The following DACH2 variants were observed in gnomAD, a reference collection of about 807,000 sequenced individuals.
DACH2 encodes the protein dachshund homolog 2.
A neutral mutation model predicts 35.8 loss-of-function variants in DACH2; 17 were observed. The observed-to-expected ratio is 0.48, with a 90% CI of 0.33 to 0.71. DACH2 has a LOEUF of 0.71. Among genes scored for constraint, DACH2 ranks in the 30% least tolerant of loss-of-function variants. The probability of loss-of-function intolerance (pLI) is 0.02; values close to 1 mark genes in which losing one functional copy is unlikely to be tolerated. For missense variants in DACH2, 469 were observed against 472.7 expected (o/e 0.99, Z 0.07); for synonymous variants, 195 against 177.3 (o/e 1.10, Z -0.79).
intron 2 of DACH2, among the ~76,000 whole-genome samples, chrX:86,397,602 G>C (rs147643959): frequency 1.9e-4 from 21 of 111,624 alleles, no homozygotes; most frequent in African/African-American, 5.2e-4. Flanking sequence ...TAGCATGAAG[G>C]GTTGTTGAAT....
intron 1 of DACH2, among the ~76,000 whole-genome samples, chrX:86,319,612 C>T (rs1451676534): frequency 1.8e-5 from 2 of 112,087 alleles, no homozygotes; most frequent in Non-Finnish European, 3.8e-5. Flanking sequence ...AACCTTAAAA[C>T]ATTTAGCAAA....
intron 3 of DACH2, among the ~76,000 whole-genome samples, chrX:86,562,030 G>T (rs72633159): frequency 3.7e-5 from 1 of 27,264 alleles, no homozygotes; most frequent in Non-Finnish European, 6.4e-5. Context: ...AAAATCTTTT[G>T]AAGGTGTTAT....
intron 2 of DACH2, among the ~76,000 whole-genome samples, chrX:86,501,805 G>T (rs1486806460): frequency 9.0e-6 from 1 of 111,533 alleles, no homozygotes; most frequent in Non-Finnish European, 1.9e-5. Flanking sequence ...TATTCAGTGT[G>T]CTTGTCTCCT....
chrX:86,285,026 T>A (rs988164842), intron 1 of DACH2, among the ~76,000 whole-genome samples: 1 of 111,779 alleles, frequency 8.9e-6, no homozygotes, highest in East Asian at 2.8e-4. Context: ...TTTATTTGGA[T>A]CTTCTCTCAT....
rs149316403 is a variant in DACH2, at chrX:86,425,310, G to A, written c.527+48448G>A. On this transcript the variant is annotated intron_variant, in intron 2 of 11. Transcript: ENST00000373125. ...TCAGCAGTGAAGCCATCAGGTCCCT[G>A]CATTTTCTTTACTAGAAGACTTTTT... Among the ~76,000 whole-genome samples, 121 of 110,477 alleles carry A rather than the reference G, an allele frequency of 1.1e-3. 1 individual carries two copies. Among genetic ancestry groups the A allele is most frequent in the African/African-American group, 3.8e-3 (116 of 30,525 alleles).
chrX:86,313,700 T>C (rs957151083), intron 1 of DACH2, among the ~76,000 whole-genome samples: 1 of 112,172 alleles, frequency 8.9e-6, no homozygotes, highest in Non-Finnish European at 1.9e-5. Flanking sequence ...TTTTTGTTCC[T>C]TTTTTAACAT....
Position 86,694,925 on chromosome X carries a change from A to G in DACH2, c.773-96A>G, listed in dbSNP as rs1322162218. 1.0e-5 allele frequency: 6 copies of G among 586,733 alleles called. No individual in the cohort carries two copies. In the Admixed American group the frequency reaches 2.6e-4, roughly 26 times the overall value. 48.4% of individuals were successfully genotyped at this position (586,733 alleles called of 1,213,427 possible). ...CTGTGTTCAATAATAATTTCCTAAG[A>G]GGTAGTATTCATGATTACAGCCCTA... On this transcript the variant is annotated intron_variant, in intron 4 of 11. Coordinates refer to ENST00000373125, the MANE Select transcript of DACH2 (RefSeq NM_053281.3).
At chrX:86,374,697 A>G (rs73631926) in intron 1 of DACH2, among the ~76,000 whole-genome samples, 5,740 of 110,883 alleles carry the variant, frequency 0.052, 387 homozygotes, top group African/African-American at 0.18. Flanking sequence ...CCTCTTCATC[A>G]TGACTTTTGT....
At chrX:86,274,194 T>A (rs1179805921) in intron 1 of DACH2, among the ~76,000 whole-genome samples, 1 of 111,061 alleles carries the variant, frequency 9.0e-6, no homozygotes, top group Non-Finnish European at 1.9e-5. Context: ...TCACTGCACC[T>A]TTCTAAATGG....
chrX:86,340,759 C>A (rs1408165992), intron 1 of DACH2, among the ~76,000 whole-genome samples: 1 of 111,972 alleles, frequency 8.9e-6, no homozygotes, highest in African/African-American at 3.2e-5. Context: ...AAGTGCTATG[C>A]CAGTGAACAC....
intron 2 of DACH2, among the ~76,000 whole-genome samples, chrX:86,430,021 T>C (rs1241272275): frequency 2.7e-5 from 3 of 112,688 alleles, no homozygotes; most frequent in African/African-American, 9.7e-5. Flanking sequence ...CACAGACTTT[T>C]ATGGAATCCA....
At chrX:86,349,259 G>T (rs199644612) in intron 1 of DACH2, among the ~76,000 whole-genome samples, 1 of 111,603 alleles carries the variant, frequency 9.0e-6, no homozygotes, top group African/African-American at 3.3e-5. Context: ...GGCTCTCACC[G>T]ACCACCTGGG....
intron 7 of DACH2, among the ~76,000 whole-genome samples, chrX:86,754,424 C>T (rs944224939): frequency 9.0e-6 from 1 of 110,601 alleles, no homozygotes; most frequent in African/African-American, 3.3e-5. Flanking sequence ...CAGAGAATAG[C>T]TTTCATCTTT....
At chrX:86,458,712 A>T (rs1278895434) in intron 2 of DACH2, among the ~76,000 whole-genome samples, 2 of 112,181 alleles carry the variant, frequency 1.8e-5, no homozygotes, top group Non-Finnish European at 3.8e-5. Context: ...GATGTAGAAT[A>T]AAAGGAAAAA....
At chrX:86,755,099 T>A (rs771813695) in intron 7 of DACH2, among the ~76,000 whole-genome samples, 2 of 111,651 alleles carry the variant, frequency 1.8e-5, no homozygotes, top group South Asian at 7.5e-4. Flanking sequence ...TTATTTGTTA[T>A]CTATTTAATA....
At chrX:86,806,072 CT>C (rs1028418883) in intron 7 of DACH2, among the ~76,000 whole-genome samples, 1 of 111,207 alleles carries the variant, frequency 9.0e-6, no homozygotes, top group Non-Finnish European at 1.9e-5. Flanking sequence ...CAATACCCCA[CT>C]TCTGGTACCA....
chrX:86,415,230 G>A (rs771454939), intron 2 of DACH2, among the ~76,000 whole-genome samples: 3 of 112,039 alleles, frequency 2.7e-5, no homozygotes, highest in Non-Finnish European at 5.6e-5. Flanking sequence ...CAGTCTAGTA[G>A]CTGGGATCTT....
chrX:86,713,906 G>A (rs2041306223), intron 5 of DACH2, among the ~76,000 whole-genome samples: 1 of 111,875 alleles, frequency 8.9e-6, no homozygotes, highest in Admixed American at 9.5e-5. Context: ...TTCCTGAAAT[G>A]ACCTAACAAT....
intron 2 of DACH2, among the ~76,000 whole-genome samples, chrX:86,469,320 A>G (rs1315457080): frequency 2.7e-5 from 3 of 111,249 alleles, no homozygotes; most frequent in East Asian, 5.6e-4. Context: ...TATATTGTAG[A>G]TATGAAAATT....
Sources: allele counts gnomAD v4.1 joint callset (sites outside exome capture counted in the v4.1 genomes callset), GRCh38; gene constraint gnomAD v4.1.1; transcripts MANE v1.5; gene names NCBI Gene and HGNC (gene_info 2026-07-23, HGNC 2026-07-21).